Variants in HS3ST5 observed in about 807,000 individuals in gnomAD.
The protein encoded by HS3ST5 is heparan sulfate-glucosamine 3-sulfotransferase 5.
In HS3ST5, 10 loss-of-function variants were observed where a neutral mutation model predicts 25.4. The ratio of observed to expected loss-of-function variants is 0.39; its 90% confidence interval spans 0.24 to 0.67. HS3ST5 has a LOEUF of 0.67. Among genes scored for constraint, HS3ST5 ranks in the 30% least tolerant of loss-of-function variants. The pLI, the probability that HS3ST5 is intolerant of heterozygous loss-of-function variation, is 0.44. For synonymous variants in HS3ST5, 170 were observed against 162.4 expected (o/e 1.05, Z -0.36); for missense variants, 324 against 420.7 (o/e 0.77, Z 2.01).
chr6:114,271,358 A>G (rs1429141174), intron 1 of HS3ST5, among the ~76,000 whole-genome samples: 8 of 152,068 alleles, frequency 5.3e-5, no homozygotes, highest in Admixed American at 5.2e-4. Flanking sequence ...GAGATTCTTA[A>G]ACACAGTAAG....
At chr6:114,294,952 C>T (rs990340280) in intron 1 of HS3ST5, among the ~76,000 whole-genome samples, 2 of 152,102 alleles carry the variant, frequency 1.3e-5, no homozygotes, top group African/African-American at 2.4e-5. Flanking sequence ...TTACAGTTCT[C>T]TTATTGAATG....
At chr6:114,171,964 T>A (rs1779493990) in intron 2 of HS3ST5, among the ~76,000 whole-genome samples, 1 of 152,208 alleles carries the variant, frequency 6.6e-6, no homozygotes, top group Non-Finnish European at 1.5e-5. Flanking sequence ...TGCAGAATTC[T>A]CTAATATTTT....
rs59862071 is a variant in HS3ST5, at chr6:114,141,858, TTGTGTGTGTGTG to T, written c.-33+26481_-33+26492del. ...TTTCTGCTCTATCTAAGATGATAGT[TTGTGTGTGTGTG>T]TGTGTGTGTGTGTGTGTGTGTGTGT... is the stretch of plus-strand genomic sequence containing the variant. On this transcript the variant is annotated intron_variant, in intron 3 of 4. Coordinates refer to ENST00000312719, the MANE Select transcript of HS3ST5 (RefSeq NM_153612.4). Among the ~76,000 whole-genome samples, 763 of 141,348 alleles carry T rather than the reference TTGTGTGTGTGTG, an allele frequency of 5.4e-3. 5 individuals are homozygous for T. The highest frequency in any genetic ancestry group is 0.035 in the East Asian group (163 of 4,708). The allele number at this position is 141,348 out of a possible 152,430, so 92.7% of individuals were successfully genotyped here.
intron 1 of HS3ST5, among the ~76,000 whole-genome samples, chr6:114,263,439 A>AGCAG (rs1773266189): frequency 6.6e-6 from 1 of 152,198 alleles, no homozygotes; most frequent in African/African-American, 2.4e-5. Context: ...TAGCTTGTGA[A>AGCAG]GCAGTGAATT....
intron 3 of HS3ST5, among the ~76,000 whole-genome samples, chr6:114,076,124 C>T (rs965917247): frequency 6.6e-6 from 1 of 152,178 alleles, no homozygotes; most frequent in Non-Finnish European, 1.5e-5. Context: ...GACTTGAGGA[C>T]ATCTGCTCCT....
intron 3 of HS3ST5, among the ~76,000 whole-genome samples, chr6:114,108,975 C>T (rs1776125602): frequency 6.6e-6 from 1 of 152,066 alleles, no homozygotes; most frequent in Non-Finnish European, 1.5e-5. Context: ...CCAGCCTGGG[C>T]AACATGGCAA....
chr6:114,142,036 T>C (rs985686990), intron 3 of HS3ST5, among the ~76,000 whole-genome samples: 1 of 152,154 alleles, frequency 6.6e-6, no homozygotes, highest in African/African-American at 2.4e-5. Context: ...GTTTGTAATA[T>C]TCATGATATT....
chr6:114,055,966 G>T lies in HS3ST5; in HGVS notation c.*1291C>A, dbSNP rs966922954. Reference sequence around the variant, plus strand: ...TTTATGTTAGTAATGGCAACACTAGGCAGCTGAATCCTTTCAGAGCAAATT... The same window carrying T: ...TTTATGTTAGTAATGGCAACACTAGTCAGCTGAATCCTTTCAGAGCAAATT... On this transcript the variant is annotated 3_prime_UTR_variant, in exon 5 of 5. Coordinates refer to ENST00000312719, the MANE Select transcript of HS3ST5 (RefSeq NM_153612.4). 1 of 152,190 alleles carries T rather than the reference G, an allele frequency of 6.6e-6. No homozygotes were observed. The highest frequency in any genetic ancestry group is 2.4e-5 in the African/African-American group (1 of 41,450). 9.4% of individuals were successfully genotyped at this position (152,190 alleles called of 1,614,324 possible).
chr6:114,060,738 A>G (rs1353582148), intron 4 of HS3ST5, among the ~76,000 whole-genome samples: 2 of 152,172 alleles, frequency 1.3e-5, no homozygotes, highest in African/African-American at 4.8e-5. Context: ...CACTTGTAGA[A>G]AGGGTCATTT....
At chr6:114,312,519 A>G (rs773420084) in intron 1 of HS3ST5, among the ~76,000 whole-genome samples, 5 of 152,294 alleles carry the variant, frequency 3.3e-5, no homozygotes, top group South Asian at 2.1e-4. Flanking sequence ...CTTAAAAAAT[A>G]AAACTGAGAA....
At chr6:114,326,771 GA>G (rs1776191974) in intron 1 of HS3ST5, among the ~76,000 whole-genome samples, 1 of 151,382 alleles carries the variant, frequency 6.6e-6, no homozygotes, top group African/African-American at 2.4e-5. Context: ...AGAATATTAT[GA>G]GACTCAGTAA....
At chr6:114,341,248 A>AGAGAGAGG (rs1776849365) in intron 1 of HS3ST5, among the ~76,000 whole-genome samples, 1 of 149,122 alleles carries the variant, frequency 6.7e-6, no homozygotes, top group Non-Finnish European at 1.5e-5. Context: ...AGAGAGAGAG[A>AGAGAGAGG]GAGAGAGAGA....
At chr6:114,316,901 GTTTT>G (rs199730788) in intron 1 of HS3ST5, among the ~76,000 whole-genome samples, 2 of 152,114 alleles carry the variant, frequency 1.3e-5, no homozygotes, top group Non-Finnish European at 2.9e-5. Context: ...AATCATGAAT[GTTTT>G]TTGTTTGGTA....
chr6:114,087,373 A>C (rs1243530649), intron 3 of HS3ST5, among the ~76,000 whole-genome samples: 1 of 151,906 alleles, frequency 6.6e-6, no homozygotes, highest in African/African-American at 2.4e-5. Flanking sequence ...CACTTGCCCC[A>C]TTTCTTGATT....
chr6:114,065,244 A>G (rs9488316), intron 3 of HS3ST5, among the ~76,000 whole-genome samples: 1,916 of 152,346 alleles, frequency 0.013, 36 homozygotes, highest in African/African-American at 0.04. Context: ...CTTGCCTGTG[A>G]TCACACAACT....
chr6:114,333,059 T>A (rs1267060903), intron 1 of HS3ST5, among the ~76,000 whole-genome samples: 1 of 152,052 alleles, frequency 6.6e-6, no homozygotes, highest in Non-Finnish European at 1.5e-5. Flanking sequence ...ATGATCAGAT[T>A]TGTAGTCAGA....
intron 1 of HS3ST5, among the ~76,000 whole-genome samples, chr6:114,295,574 G>T (rs1288216319): frequency 2.6e-5 from 4 of 152,194 alleles, no homozygotes; most frequent in African/African-American, 9.7e-5. Flanking sequence ...TCAAACGTCA[G>T]ATTGTTGTAT....
chr6:114,191,472 C>T (rs188615151), intron 2 of HS3ST5, among the ~76,000 whole-genome samples: 4 of 152,174 alleles, frequency 2.6e-5, no homozygotes, highest in African/African-American at 4.8e-5. Flanking sequence ...ATAAATGTCA[C>T]GTTAGGGCCA....
intron 3 of HS3ST5, among the ~76,000 whole-genome samples, chr6:114,162,134 A>G (rs1779004431): frequency 6.6e-6 from 1 of 152,106 alleles, no homozygotes; most frequent in African/African-American, 2.4e-5. Flanking sequence ...TTATAATAGA[A>G]TTTATTATCT....
Sources: allele counts gnomAD v4.1 joint callset (sites outside exome capture counted in the v4.1 genomes callset), GRCh38; gene constraint gnomAD v4.1.1; transcripts MANE v1.5; gene names NCBI Gene and HGNC (gene_info 2026-07-23, HGNC 2026-07-21).